Variants in SYT5 observed in about 807,000 individuals in gnomAD.
SYT5 encodes synaptotagmin 5.
In SYT5, 29 loss-of-function variants were observed where a neutral mutation model predicts 36.0. The observed-to-expected ratio is 0.81, with a 90% CI of 0.60 to 1.10. SYT5 has a LOEUF of 1.10. Among genes scored for constraint, SYT5 ranks in the 50% least tolerant of loss-of-function variants. SYT5 has a pLI of 0.00. For synonymous variants in SYT5, 231 were observed against 227.6 expected, an observed-to-expected ratio of 1.02 and a Z score of -0.14; for missense variants, 512 against 516.0, an observed-to-expected ratio of 0.99 and a Z score of 0.08.
At chr19:55,178,144 G>A in intron 3 of SYT5, 52 bp downstream of exon 3, 1 of 1,573,248 alleles carries the variant, frequency 6.4e-7, no homozygotes, top group East Asian at 2.3e-5. Context: ...GGGCCATTGA[G>A]AGGAGCAGGG....
chr19:55,175,565 C>T lies in SYT5; in HGVS notation c.540+144G>A. ...GCTACAGCCCAGGAGTCAGTAGTGC[C>T]CAGGGTCCAGTGGAATAGCCCCAGA... On this transcript the variant is annotated intron_variant, in intron 5 of 8. Coordinates refer to ENST00000354308, the MANE Select transcript of SYT5 (RefSeq NM_003180.3). The surrounding 1 kb of genome is among the most constrained non-coding windows in gnomAD (Gnocchi z 4.5). 8.2e-7 allele frequency: 1 copy of T among 1,214,268 alleles called. No homozygotes were observed. The highest frequency in any genetic ancestry group is 1.2e-6 in the Non-Finnish European group (1 of 865,766). 75.2% of individuals were successfully genotyped at this position (1,214,268 alleles called of 1,614,324 possible). A position where few individuals can be genotyped will look rare whatever the true frequency, so the allele number is the denominator to read the frequency against.
Position 55,173,600 on chromosome 19 carries a change from C to G in SYT5, c.1045G>C (p.Ala349Pro). ...CAGTGCCGCAGGCCAGCCCCGCCGG[C>G]GGCCGCCCCCACGGCCACCCTCCCG... The part of the protein sequence containing the change: ...AIGRVAVGAA[A>P]GGAGLRHWAD... The change falls in exon 9 of 9, where the codon GCC becomes CCC. Residue 349 changes from alanine to proline, a missense_variant. Coordinates refer to ENST00000354308, the MANE Select transcript of SYT5 (RefSeq NM_003180.3). This position sits in a 1 kb window ranked among gnomAD's most constrained non-coding sequence, Gnocchi z 5.4. 6.7e-7 allele frequency: 1 copy of G among 1,481,498 alleles called. No individual in the cohort carries two copies. Among genetic ancestry groups the G allele is most frequent in the East Asian group, 2.9e-5 (1 of 34,232 alleles). The allele number at this position is 1,481,498 out of a possible 1,614,324, so 91.8% of individuals were successfully genotyped here. A position where few individuals can be genotyped will look rare whatever the true frequency, so the allele number is the denominator to read the frequency against.
In SYT5 at chr19:55,175,232, G is replaced by A. The variant is rs923495531; in HGVS notation, c.648C>T (p.Ser216=). The A allele has an allele frequency of 6.2e-7, 1 of 1,611,098 alleles. No individual in the cohort carries two copies. The highest frequency in any genetic ancestry group is 8.5e-7 in the Non-Finnish European group (1 of 1,179,098). ...CCTGCACTGGCCGCCCCAGGTCCAC[G>A]GAGCTCATAGGGACCCGCACCTCCC... ...AIGEVRVPMS[S]VDLGRPVQAW... is the part of the protein sequence containing the mutation. The change falls in exon 6 of 9, where the codon TCC becomes TCT. Residue 216 remains serine (S), a synonymous_variant. Coordinates refer to ENST00000354308, the MANE Select transcript of SYT5 (RefSeq NM_003180.3). The surrounding 1 kb of genome is among the most constrained non-coding windows in gnomAD (Gnocchi z 4.5).
intron 3 of SYT5, among the ~76,000 whole-genome samples, chr19:55,177,753 A>G (rs577789081): frequency 7.2e-5 from 11 of 152,270 alleles, no homozygotes; most frequent in Middle Eastern, 3.4e-3. Context: ...ACAGGGTTTC[A>G]TCATGTTGCC....
rs536118057 is a variant in SYT5 at position 55,172,699 on chromosome 19, A to G, written c.*785T>C. On this transcript the variant is annotated 3_prime_UTR_variant, in exon 9 of 9. Coordinates refer to ENST00000354308, the MANE Select transcript of SYT5 (RefSeq NM_003180.3). ...ATATTCTGGGGCCCCAGCACTCAAC[A>G]GAAGACCTCAGGGAATATGGAATGG... 1 of 152,028 alleles carries G rather than the reference A, an allele frequency of 6.6e-6. No homozygotes were observed. Among genetic ancestry groups the G allele is most frequent in the Non-Finnish European group, 1.5e-5 (1 of 68,026 alleles). The allele number at this position is 152,028 out of a possible 1,614,324, so 9.4% of individuals were successfully genotyped here.
Position 55,172,190 on chromosome 19 carries a change from G to C in SYT5, c.*1294C>G, listed in dbSNP as rs3859544. The C allele has an allele frequency of 0.16, 23,942 of 152,118 alleles. 2,364 individuals carry two copies. Among genetic ancestry groups the C allele is most frequent in the Admixed American group, 0.29 (4,414 of 15,252 alleles). The allele number at this position is 152,118 out of a possible 1,614,324, so 9.4% of individuals were successfully genotyped here. A position where few individuals can be genotyped will look rare whatever the true frequency, so the allele number is the denominator to read the frequency against. The stretch of plus-strand genomic sequence containing the variant: ...AATCCTAGCACATTGGGAGGCCGAG[G>C]CGGGCGGATCACGAGGTCAGGAGAT... On this transcript the variant is annotated 3_prime_UTR_variant, in exon 9 of 9. Coordinates refer to ENST00000354308, the MANE Select transcript of SYT5 (RefSeq NM_003180.3).
At chr19:55,174,390 C>A in intron 8 of SYT5, 127 bp downstream of exon 8, 1 of 1,281,680 alleles carries the variant, frequency 7.8e-7, no homozygotes, top group Admixed American at 2.4e-5. Context: ...TAGGAGGAAA[C>A]AGACTGAGAG....
Position 55,175,345 on chromosome 19 carries a change from G to A in SYT5, c.541-6C>T. ...CCCAGCTCCACGTAGGGGACCTGGA[G>A]TGCACAGAGAATCCGCAGTAGAGAG... On this transcript the variant is annotated splice_region_variant and splice_polypyrimidine_tract_variant and intron_variant, in intron 5 of 8. Transcript: ENST00000354308. The surrounding 1 kb of genome is among the most constrained non-coding windows in gnomAD (Gnocchi z 4.5). 4 of 1,525,224 alleles carry A rather than the reference G, an allele frequency of 2.6e-6. No homozygotes were observed. Among genetic ancestry groups the A allele is most frequent in the Non-Finnish European group, 2.6e-6 (3 of 1,140,430 alleles). 94.5% of individuals were successfully genotyped at this position (1,525,224 alleles called of 1,614,324 possible).
chr19:55,173,327 G>T lies in SYT5; in HGVS notation c.*157C>A. On this transcript the variant is annotated 3_prime_UTR_variant, in exon 9 of 9. Coordinates refer to ENST00000354308, the MANE Select transcript of SYT5 (RefSeq NM_003180.3). This position sits in a 1 kb window ranked among gnomAD's most constrained non-coding sequence, Gnocchi z 5.4. The stretch of plus-strand genomic sequence containing the variant: ...TGTCGTGATTGGCATCGTTGGGGGT[G>T]AGAAGACAGGAATGGTTCAGATGGT... The T allele has an allele frequency of 1.8e-6, 1 of 545,302 alleles. No individual in the cohort carries two copies. The highest frequency in any genetic ancestry group is 2.8e-6 in the Non-Finnish European group (1 of 354,676). 33.8% of individuals were successfully genotyped at this position (545,302 alleles called of 1,614,324 possible).
At chr19:55,174,353 G>A (rs1006002950) in intron 8 of SYT5, among the ~76,000 whole-genome samples, 164 bp downstream of exon 8, 3 of 149,312 alleles carry the variant, frequency 2.0e-5, no homozygotes, top group African/African-American at 7.5e-5. Context: ...GTCTCTTCCT[G>A]GAGTGGAAGA....
chr19:55,178,495 C>G, intron 2 of SYT5, 127 bp from the exon 3 acceptor site: 5 of 1,175,214 alleles, frequency 4.3e-6, no homozygotes, highest in Non-Finnish European at 5.9e-6. Flanking sequence ...TGCATTTCTT[C>G]CTGTGTTTTT....
At position 55,173,125 on chromosome 19, in the gene SYT5, C is replaced by T; in HGVS notation, c.*359G>A. 1 of 227,506 alleles carries T rather than the reference C, an allele frequency of 4.4e-6. No homozygotes were observed. Among genetic ancestry groups the T allele is most frequent in the Non-Finnish European group, 8.6e-6 (1 of 116,792 alleles). The allele number at this position is 227,506 out of a possible 1,614,324, so 14.1% of individuals were successfully genotyped here. A position where few individuals can be genotyped will look rare whatever the true frequency, so the allele number is the denominator to read the frequency against. On this transcript the variant is annotated 3_prime_UTR_variant, in exon 9 of 9. Coordinates refer to ENST00000354308, the MANE Select transcript of SYT5 (RefSeq NM_003180.3). The surrounding 1 kb of genome is among the most constrained non-coding windows in gnomAD (Gnocchi z 5.4). ...GGAGCTGCTGAATATTTATTTGGCC[C>T]CAGGAGCAGTGCAGGGATGGGCTGT...
chr19:55,177,529 G>C (rs760668303), intron 3 of SYT5: 1 of 152,118 alleles, frequency 6.6e-6, no homozygotes, highest in Non-Finnish European at 1.5e-5. Flanking sequence ...ATATTTTAAA[G>C]TATTCTGGCA....
chr19:55,174,131 T>C (rs1335538264), intron 8 of SYT5: 5 of 197,462 alleles, frequency 2.5e-5, no homozygotes, highest in African/African-American at 2.5e-5. Flanking sequence ...CGCTTAGGAG[T>C]GGGGCATCCT....
In SYT5 at chr19:55,172,450, A is replaced by G. The variant is rs935560252; in HGVS notation, c.*1034T>C. 4 of 149,436 alleles carry G rather than the reference A, an allele frequency of 2.7e-5. No individual in the cohort carries two copies. The highest frequency in any genetic ancestry group is 2.0e-4 in the Admixed American group (3 of 15,040). The allele number at this position is 149,436 out of a possible 1,614,324, so 9.3% of individuals were successfully genotyped here. ...AAACAAAAACAAAAACAAAAAAACA[A>G]ACAAACAAAAAAAAAACAAGAGAAA... On this transcript the variant is annotated 3_prime_UTR_variant, in exon 9 of 9. Transcript: ENST00000354308.
chr19:55,179,219 G>C lies in SYT5; in HGVS notation c.-45-133C>G. 6.6e-7 allele frequency: 1 copy of C among 1,512,876 alleles called. No homozygotes were observed. The highest frequency in any genetic ancestry group is 1.2e-5 in the South Asian group (1 of 80,668). 93.7% of individuals were successfully genotyped at this position (1,512,876 alleles called of 1,614,324 possible). Reference sequence around the variant, plus strand: ...ACCGCGAGTCATGCTGGGAGTTGTAGTATCAGCCTCCCCGCACTTGAGAGG... The same window carrying C: ...ACCGCGAGTCATGCTGGGAGTTGTACTATCAGCCTCCCCGCACTTGAGAGG... On this transcript the variant is annotated intron_variant, in intron 1 of 8. Transcript: ENST00000354308. This position sits in a 1 kb window ranked among gnomAD's most constrained non-coding sequence, Gnocchi z 4.5.
In SYT5 at chr19:55,175,421, G is replaced by T; in HGVS notation, c.541-82C>A. 7.2e-7 allele frequency: 1 copy of T among 1,398,194 alleles called. No individual in the cohort carries two copies. The highest frequency in any genetic ancestry group is 9.5e-7 in the Non-Finnish European group (1 of 1,053,678). The allele number at this position is 1,398,194 out of a possible 1,614,324, so 86.6% of individuals were successfully genotyped here. Reference sequence around the variant, plus strand: ...ACAGCACAACCAGAAGGAAGGCATGGAGTGAGGCAGCGAGGGTCGAAGCGA... The same window carrying T: ...ACAGCACAACCAGAAGGAAGGCATGTAGTGAGGCAGCGAGGGTCGAAGCGA... On this transcript the variant is annotated intron_variant, in intron 5 of 8. Transcript: ENST00000354308. The surrounding 1 kb of genome is among the most constrained non-coding windows in gnomAD (Gnocchi z 4.5).
rs1258197225 is a variant in SYT5, at chr19:55,179,114, C to T, written c.-45-28G>A. 3.9e-6 allele frequency: 6 copies of T among 1,547,660 alleles called. No individual in the cohort carries two copies. Among genetic ancestry groups the T allele is most frequent in the Non-Finnish European group, 5.2e-6 (6 of 1,148,956 alleles). Reference sequence around the variant, plus strand: ...AGTCCCCCATTCCCACCCCAGACGTCCTTTGAGCCCCACGCACAACAAAGA... The same window carrying T: ...AGTCCCCCATTCCCACCCCAGACGTTCTTTGAGCCCCACGCACAACAAAGA... On this transcript the variant is annotated intron_variant, in intron 1 of 8. Coordinates refer to ENST00000354308, the MANE Select transcript of SYT5 (RefSeq NM_003180.3). This position sits in a 1 kb window ranked among gnomAD's most constrained non-coding sequence, Gnocchi z 4.5.
rs201746906 is a variant in SYT5, at chr19:55,179,005, G to A, written c.37C>T (p.Pro13Ser). 76 of 1,597,746 alleles carry A rather than the reference G, an allele frequency of 4.8e-5. No individual in the cohort carries two copies. The highest frequency in any genetic ancestry group is 3.4e-6 in the Non-Finnish European group (4 of 1,172,732). The change falls in exon 2 of 9, where the codon CCC (proline) becomes TCC (serine). Residue 13 changes from proline to serine, a missense_variant. By Grantham distance (74) the Pro-to-Ser change is moderately conservative. Transcript: ENST00000354308. This position sits in a 1 kb window ranked among gnomAD's most constrained non-coding sequence, Gnocchi z 4.5. ...CGACTGGAGTCGGGAGGCGTGTCGG[G>A]CGATGGAGGCCCCGGGGTTGGGGGC... ...PEPPTPGPPSPDTPPDSSRIS... is the reference protein window; with the variant it reads ...PEPPTPGPPSSDTPPDSSRIS...
Sources: gnomAD v4.1 joint callset for allele counts (sites outside exome capture counted in the v4.1 genomes callset) on GRCh38, gnomAD v4.1.1 for gene constraint, Gnocchi (gnomAD v3.1) non-coding constraint, MANE v1.5 for transcripts, NCBI Gene and HGNC (gene_info 2026-07-23, HGNC 2026-07-21) for gene names.